Variants in GALNT1 observed in about 807,000 individuals in gnomAD.
GALNT1 encodes polypeptide N-acetylgalactosaminyltransferase 1.
A neutral mutation model predicts 65.7 loss-of-function variants in GALNT1; 17 were observed. The observed-to-expected ratio is 0.26, with a 90% confidence interval of 0.18 to 0.39. The LOEUF (loss-of-function observed/expected upper bound fraction) is 0.39, where lower values mean the gene tolerates loss of function less well. GALNT1 is among the 10% of genes least tolerant of loss of function. GALNT1 has a pLI of 1.00. For missense variants in GALNT1, 460 were observed against 672.8 expected (o/e 0.68, Z 3.50); for synonymous variants, 210 against 219.7 (o/e 0.96, Z 0.39).
At chr18:35,659,820 T>C (rs1337509171) in intron 2 of GALNT1, 1 of 152,226 alleles carries the variant, frequency 6.6e-6, no homozygotes, top group Non-Finnish European at 1.5e-5. Context: ...ATAATAACTT[T>C]ATAACAAATT....
chr18:35,616,716 C>T (rs1318371464), intron 1 of GALNT1, among the ~76,000 whole-genome samples: 2 of 151,994 alleles, frequency 1.3e-5, no homozygotes, highest in Non-Finnish European at 2.9e-5. Context: ...TCCAGTGTCA[C>T]GTAATCTTTC....
In GALNT1 at chr18:35,702,968, T is replaced by G. The variant is rs1450321228; in HGVS notation, c.1371T>G (p.Phe457Leu). Residue 457 changes from phenylalanine (F) to leucine (L), a missense_variant, in exon 10 of 12, where the codon TTT (phenylalanine) becomes TTG (leucine). Coordinates refer to ENST00000269195, the MANE Select transcript of GALNT1 (RefSeq NM_020474.4). The part of the protein sequence containing the change: ...ARKENEKVGI[F>L]NCHGMGGNQV... Reference sequence around the variant, plus strand: ...AAGAGAATGAAAAAGTTGGAATTTTTAATTGCCATGGTATGGGGGGTAATC... The same window carrying G: ...AAGAGAATGAAAAAGTTGGAATTTTGAATTGCCATGGTATGGGGGGTAATC... The G allele has an allele frequency of 1.9e-6, 3 of 1,610,176 alleles. No individual in the cohort carries two copies. Among genetic ancestry groups the G allele is most frequent in the Non-Finnish European group, 2.5e-6 (3 of 1,178,154 alleles).
chr18:35,636,353 G>T (rs1334415089), intron 1 of GALNT1, among the ~76,000 whole-genome samples: 1 of 152,122 alleles, frequency 6.6e-6, no homozygotes, highest in Non-Finnish European at 1.5e-5. Context: ...GAACAAAATG[G>T]ACCAGAGGGA....
At chr18:35,692,736 T>G (rs368824773) in intron 9 of GALNT1, among the ~76,000 whole-genome samples, 2 of 152,002 alleles carry the variant, frequency 1.3e-5, no homozygotes, top group East Asian at 1.9e-4. Flanking sequence ...TGAAGCCAAG[T>G]AGGGAAAGAA....
chr18:35,601,568 T>TTATTTCTA (rs1311708347), intron 1 of GALNT1, among the ~76,000 whole-genome samples: 2 of 152,230 alleles, frequency 1.3e-5, no homozygotes, highest in African/African-American at 2.4e-5. Context: ...ATGTAGATGT[T>TTATTTCTA]TATTTCTATA....
At chr18:35,596,921 A>G (rs2046512573) in intron 1 of GALNT1, 1 of 152,234 alleles carries the variant, frequency 6.6e-6, no homozygotes, top group Non-Finnish European at 1.5e-5. Context: ...TCACTACTCA[A>G]TTGGATTCTT....
At chr18:35,647,719 GC>G (rs892179068) in intron 1 of GALNT1, among the ~76,000 whole-genome samples, 20 of 152,270 alleles carry the variant, frequency 1.3e-4, no homozygotes, top group African/African-American at 4.8e-4. Context: ...GAGGAGTAAA[GC>G]TAGGATCCAA....
intron 1 of GALNT1, among the ~76,000 whole-genome samples, chr18:35,600,012 CT>C: frequency 6.6e-6 from 1 of 152,196 alleles, no homozygotes; most frequent in East Asian, 1.9e-4. Context: ...TATTTGGGGT[CT>C]TTTGTGGTTC....
At chr18:35,606,629 A>C (rs967720989) in intron 1 of GALNT1, among the ~76,000 whole-genome samples, 1 of 152,202 alleles carries the variant, frequency 6.6e-6, no homozygotes, top group African/African-American at 2.4e-5. Flanking sequence ...TACAGTCAGC[A>C]TATCAGAGAA....
chr18:35,663,478 C>T (rs1568027004), intron 2 of GALNT1, 150 bp from the exon 3 acceptor site: 1 of 753,166 alleles, frequency 1.3e-6, no homozygotes, highest in Non-Finnish European at 2.1e-6. Flanking sequence ...AAGACAGCCC[C>T]TTGAAAGGGT....
chr18:35,701,336 C>G (rs1022637222), intron 9 of GALNT1, among the ~76,000 whole-genome samples: 1 of 152,080 alleles, frequency 6.6e-6, no homozygotes, highest in Non-Finnish European at 1.5e-5. Flanking sequence ...TTAAAGTGCT[C>G]GGGTTATAGA....
intron 1 of GALNT1, among the ~76,000 whole-genome samples, chr18:35,640,991 G>A (rs2047154094): frequency 6.6e-6 from 1 of 152,166 alleles, no homozygotes; most frequent in African/African-American, 2.4e-5. Context: ...CGTAAAAGAT[G>A]CTACTTTTTT....
Position 35,709,740 on chromosome 18 carries a change from T to A in GALNT1, c.1650T>A (p.Leu550=). The change falls in exon 12 of 12, where the codon CTT becomes CTA. Residue 550 remains leucine, a synonymous_variant. Coordinates refer to ENST00000269195, the MANE Select transcript of GALNT1 (RefSeq NM_020474.4). ...GAAGTCGGTCCCAGCAGTGGCTTCT[T>A]CGAAACGTCACCCTGCCAGAAATAT... ...CNGSRSQQWL[L]RNVTLPEIF is the part of the protein sequence containing the mutation. 2 of 1,614,046 alleles carry A rather than the reference T, an allele frequency of 1.2e-6. No individual in the cohort carries two copies. Among genetic ancestry groups the A allele is most frequent in the Non-Finnish European group, 1.7e-6 (2 of 1,179,998 alleles).
At chr18:35,582,276 G>T (rs1294714313) in intron 1 of GALNT1, among the ~76,000 whole-genome samples, 6 of 152,192 alleles carry the variant, frequency 3.9e-5, no homozygotes, top group Non-Finnish European at 7.3e-5. Context: ...GGGCTTCCCG[G>T]CCCGCTGCCC....
intron 1 of GALNT1, among the ~76,000 whole-genome samples, chr18:35,640,346 C>G (rs1185873004): frequency 6.7e-6 from 1 of 149,672 alleles, no homozygotes; most frequent in African/African-American, 2.5e-5. Context: ...CAATAAAATA[C>G]CATTTCAGGT....
At chr18:35,663,410 G>A (rs2047503805) in intron 2 of GALNT1, among the ~76,000 whole-genome samples, 1 of 152,188 alleles carries the variant, frequency 6.6e-6, no homozygotes, top group Non-Finnish European at 1.5e-5. Flanking sequence ...AGTGACTCAG[G>A]TGAGTGGGGC....
rs145970563 is a variant in GALNT1, at chr18:35,647,948, G to A, written c.-103-6612G>A. ...TGTAATCCCAGCAGTTTGGGAGGCC[G>A]TGGTGGGTGGATCACTTGAGACCAG... is the stretch of plus-strand genomic sequence containing the variant. On this transcript the variant is annotated intron_variant, in intron 1 of 11. Transcript: ENST00000269195. Among the ~76,000 whole-genome samples, 970 of 151,998 alleles carry A rather than the reference G, an allele frequency of 6.4e-3. 19 individuals are homozygous for A. Among genetic ancestry groups the A allele is most frequent in the African/African-American group, 0.022 (918 of 41,432 alleles).
At chr18:35,604,298 TTTTC>T (rs1274504594) in intron 1 of GALNT1, among the ~76,000 whole-genome samples, 2 of 152,234 alleles carry the variant, frequency 1.3e-5, no homozygotes, top group Non-Finnish European at 2.9e-5. Flanking sequence ...ATGTACCACA[TTTTC>T]TTTATCCAGT....
intron 3 of GALNT1, among the ~76,000 whole-genome samples, chr18:35,668,873 A>G (rs1003105421): frequency 3.3e-5 from 5 of 152,230 alleles, no homozygotes; most frequent in Non-Finnish European, 5.9e-5. Context: ...CTAGAAAAAT[A>G]TAACTTAGTA....
Sources: gnomAD v4.1 joint callset for allele counts (sites outside exome capture counted in the v4.1 genomes callset) on GRCh38, gnomAD v4.1.1 for gene constraint, MANE v1.5 for transcripts, NCBI Gene and HGNC (gene_info 2026-07-23, HGNC 2026-07-21) for gene names.